The following NTNG2 variants were observed in gnomAD, a reference collection of about 807,000 sequenced individuals.
NTNG2 encodes netrin-G2.
In NTNG2, 15 loss-of-function variants were observed where a neutral mutation model predicts 47.6. The ratio of observed to expected loss-of-function variants is 0.32; its 90% CI spans 0.21 to 0.49. The LOEUF is 0.49. NTNG2 is among the 20% of genes least tolerant of loss of function. The pLI, the probability that NTNG2 is intolerant of heterozygous loss-of-function variation, is 0.99. For synonymous variants in NTNG2, 307 were observed against 324.6 expected (o/e 0.95, Z 0.58); for missense variants, 578 against 764.6 (o/e 0.76, Z 2.88).
intron 2 of NTNG2, among the ~76,000 whole-genome samples, chr9:132,191,151 C>T (rs1471097292): frequency 6.6e-6 from 1 of 152,144 alleles, no homozygotes; most frequent in Non-Finnish European, 1.5e-5. Flanking sequence ...CCCAACCCAG[C>T]CCGGGCACAG....
intron 2 of NTNG2, among the ~76,000 whole-genome samples, chr9:132,174,892 A>G (rs1836300702): frequency 7.3e-6 from 1 of 136,900 alleles, no homozygotes; most frequent in Non-Finnish European, 1.6e-5. Context: ...ACTGCACTCC[A>G]GCCTGGGCGA....
intron 3 of NTNG2, among the ~76,000 whole-genome samples, chr9:132,225,058 T>A (rs1018310604): frequency 3.3e-5 from 5 of 151,978 alleles, no homozygotes; most frequent in African/African-American, 1.2e-4. Flanking sequence ...TAGCTGGGAT[T>A]ACAGGTGCAC....
chr9:132,221,531 G>A lies in NTNG2; in HGVS notation c.858-5318G>A, dbSNP rs181127186. On this transcript the variant is annotated intron_variant, in intron 3 of 7. Coordinates refer to ENST00000393229, the MANE Select transcript of NTNG2 (RefSeq NM_032536.4). The surrounding 1 kb of genome is among the most constrained non-coding windows in gnomAD (Gnocchi z 4.2). ...AGCCTTGCCAGCCTTTCCCCACACAGTGCCAGCTCCTCCCTGCAGCCCTGC... is the reference window on the plus strand; with the variant it reads ...AGCCTTGCCAGCCTTTCCCCACACAATGCCAGCTCCTCCCTGCAGCCCTGC... Among the ~76,000 whole-genome samples the A allele has an allele frequency of 6.3e-4, 96 of 152,326 alleles. No homozygotes were observed. In the Middle Eastern group the frequency reaches 0.014, roughly 22 times the overall value.
chr9:132,220,479 G>A (rs1362126176), intron 3 of NTNG2, among the ~76,000 whole-genome samples: 1 of 63,032 alleles, frequency 1.6e-5, no homozygotes, highest in Admixed American at 1.9e-4. Flanking sequence ...TTTTTTTTTT[G>A]AGACAGAGTC....
chr9:132,214,548 T>C lies in NTNG2; in HGVS notation c.858-12301T>C, dbSNP rs542397199. Among the ~76,000 whole-genome samples, 221 of 152,300 alleles carry C rather than the reference T, an allele frequency of 1.5e-3. 4 individuals carry two copies. The highest frequency in any genetic ancestry group is 5.1e-3 in the African/African-American group (210 of 41,566). On this transcript the variant is annotated intron_variant, in intron 3 of 7. Coordinates refer to ENST00000393229, the MANE Select transcript of NTNG2 (RefSeq NM_032536.4). ...TCTCCAGGGGCTTACTAGGGACTCA[T>C]CCATTCAAGAAAAAGGGAAACTTAG...
At chr9:132,227,878 G>T (rs919769102) in intron 4 of NTNG2, among the ~76,000 whole-genome samples, 4 of 152,226 alleles carry the variant, frequency 2.6e-5, no homozygotes, top group Non-Finnish European at 5.9e-5. Context: ...CTGCCCCTGG[G>T]GTGGGCTCTC....
intron 5 of NTNG2, chr9:132,233,686 A>G (rs541273844): frequency 6.6e-6 from 1 of 152,264 alleles, no homozygotes; most frequent in East Asian, 1.9e-4. Flanking sequence ...GCCCCCATTA[A>G]TGAAAACGAT....
At chr9:132,188,227 C>T (rs1589415363) in intron 2 of NTNG2, among the ~76,000 whole-genome samples, 2 of 152,250 alleles carry the variant, frequency 1.3e-5, no homozygotes, top group Non-Finnish European at 2.9e-5. Flanking sequence ...AGCCTCCAGC[C>T]TTCCACCTTG....
In NTNG2 at chr9:132,231,160, G is replaced by T. The variant is rs957674027; in HGVS notation, c.1054+565G>T. ...CCCAGGGGAGTCGGACCAGGGAGGG[G>T]CATCTGCAGGAGGTGGGGGTCCTGA... On this transcript the variant is annotated intron_variant, in intron 5 of 7. Transcript: ENST00000393229. This position sits in a 1 kb window ranked among gnomAD's most constrained non-coding sequence, Gnocchi z 4.1. The T allele has an allele frequency of 2.6e-6, 1 of 382,004 alleles. No homozygotes were observed. Among genetic ancestry groups the T allele is most frequent in the Non-Finnish European group, 5.2e-6 (1 of 190,842 alleles). The allele number at this position is 382,004 out of a possible 1,614,324, so 23.7% of individuals were successfully genotyped here.
intron 2 of NTNG2, among the ~76,000 whole-genome samples, chr9:132,195,293 CT>C (rs1029890637): frequency 6.6e-6 from 1 of 151,228 alleles, no homozygotes; most frequent in East Asian, 1.9e-4. Flanking sequence ...GGGGATTTCT[CT>C]TTTTTTTGTT....
rs1192991433 is a variant in NTNG2, at chr9:132,215,782, G to A, written c.858-11067G>A. 6.6e-6 allele frequency among the ~76,000 whole-genome samples: 1 copy of A among 152,096 alleles called. No individual in the cohort carries two copies. Among genetic ancestry groups the A allele is most frequent in the Non-Finnish European group, 1.5e-5 (1 of 68,000 alleles). On this transcript the variant is annotated intron_variant, in intron 3 of 7. Transcript: ENST00000393229. The surrounding 1 kb of genome is among the most constrained non-coding windows in gnomAD (Gnocchi z 4.2). Reference sequence around the variant, plus strand: ...AGCATGAATAAGGGGCCCTGCCCTTGGGGTCAGGCACCTCAGGGCTGCCAG... The same window carrying A: ...AGCATGAATAAGGGGCCCTGCCCTTAGGGTCAGGCACCTCAGGGCTGCCAG...
rs532662089 is a variant in NTNG2, at chr9:132,196,160, GTTTT to G, written c.214-1802_214-1799del. ...CTTACTGTGTTGTACAGGTCTATGG[GTTTT>G]TTTGTTTGTTTTGTTTTGTTTTTGT... On this transcript the variant is annotated intron_variant, in intron 2 of 7. Transcript: ENST00000393229. Among the ~76,000 whole-genome samples the G allele has an allele frequency of 7.5e-3, 1,136 of 152,212 alleles. 2 individuals carry two copies. The highest frequency in any genetic ancestry group is 0.013 in the African/African-American group (537 of 41,532).
chr9:132,215,049 G>A lies in NTNG2; in HGVS notation c.858-11800G>A, dbSNP rs113346963. Among the ~76,000 whole-genome samples, 53 of 132,592 alleles carry A rather than the reference G, an allele frequency of 4.0e-4. 1 individual carries two copies. Among genetic ancestry groups the A allele is most frequent in the African/African-American group, 1.4e-3 (47 of 33,846 alleles). The allele number at this position is 132,592 out of a possible 152,430, so 87.0% of individuals were successfully genotyped here. A position where few individuals can be genotyped will look rare whatever the true frequency, so the allele number is the denominator to read the frequency against. On this transcript the variant is annotated intron_variant, in intron 3 of 7. Transcript: ENST00000393229. This position sits in a 1 kb window ranked among gnomAD's most constrained non-coding sequence, Gnocchi z 4.2. ...TCACCACCATGCCCTGATAAATTTTGTGTTTTTTTTAATTTTTTTGTAGAG... is the reference window on the plus strand; with the variant it reads ...TCACCACCATGCCCTGATAAATTTTATGTTTTTTTTAATTTTTTTGTAGAG...
intron 2 of NTNG2, among the ~76,000 whole-genome samples, chr9:132,189,064 C>CTTTTTTTTTTTTTTTTT (rs1179386814): frequency 3.2e-5 from 2 of 61,752 alleles, no homozygotes; most frequent in Admixed American, 1.4e-4. Context: ...GGCTTTAAGC[C>CTTTTTTTTTTTTTTTTT]TTTCTTTTTT....
chr9:132,233,607 C>CCAGTGG (rs1564443057), intron 5 of NTNG2: 1 of 152,174 alleles, frequency 6.6e-6, no homozygotes, highest in Non-Finnish European at 1.5e-5. Flanking sequence ...AATGTGACAG[C>CCAGTGG]CAGTGGCCCC....
At chr9:132,194,841 G>A (rs1251743911) in intron 2 of NTNG2, among the ~76,000 whole-genome samples, 1 of 152,260 alleles carries the variant, frequency 6.6e-6, no homozygotes, top group Non-Finnish European at 1.5e-5. Flanking sequence ...TCACCCTAGA[G>A]GATAGAAGCC....
At chr9:132,173,219 C>G (rs980717167) in intron 2 of NTNG2, among the ~76,000 whole-genome samples, 1 of 152,240 alleles carries the variant, frequency 6.6e-6, no homozygotes, top group African/African-American at 2.4e-5. Flanking sequence ...GCCGTTAAAG[C>G]CACTCAGTCT....
chr9:132,216,039 C>T (rs938825617), intron 3 of NTNG2, among the ~76,000 whole-genome samples: 71 of 152,252 alleles, frequency 4.7e-4, no homozygotes, highest in Middle Eastern at 3.4e-3. Flanking sequence ...TACAGGACAC[C>T]GACTGATTCC....
chr9:132,229,688 G>A (rs1428687162), intron 4 of NTNG2, among the ~76,000 whole-genome samples: 2 of 152,224 alleles, frequency 1.3e-5, no homozygotes, highest in Non-Finnish European at 2.9e-5. Flanking sequence ...AGGAGTGGGT[G>A]GGGATGGGCT....
Sources: gnomAD v4.1 joint callset for allele counts (sites outside exome capture counted in the v4.1 genomes callset) on GRCh38, gnomAD v4.1.1 for gene constraint, Gnocchi (gnomAD v3.1) non-coding constraint, MANE v1.5 for transcripts, NCBI Gene and HGNC (gene_info 2026-07-23, HGNC 2026-07-21) for gene names.